INTS1: variants seen among roughly 807,000 people sequenced by gnomAD.
INTS1 encodes integrator complex subunit 1.
A neutral mutation model predicts 241.6 loss-of-function variants in INTS1; 137 were observed. The observed-to-expected ratio is 0.57, with a 90% CI of 0.49 to 0.65. The LOEUF is 0.65. INTS1 is among the 30% of genes least tolerant of loss of function. The pLI is 0.00. For missense variants in INTS1, 3,073 were observed against 3,032.2 expected (o/e 1.01, Z -0.32); for synonymous variants, 1,692 against 1,337.8 (o/e 1.26, Z -5.78).
At chr7:1,499,726 C>A in intron 5 of INTS1, 94 bp from the exon 6 acceptor site, 1 of 1,480,966 alleles carries the variant, frequency 6.8e-7, no homozygotes, top group Non-Finnish European at 9.1e-7. Context: ...GGTGCCCAGG[C>A]GGCCCTCTCC....
At chr7:1,486,082 C>G (rs1782251603) in intron 22 of INTS1, among the ~76,000 whole-genome samples, 1 of 151,826 alleles carries the variant, frequency 6.6e-6, no homozygotes, top group African/African-American at 2.4e-5. Flanking sequence ...AACACAGGCA[C>G]ACACTACCAC....
intron 12 of INTS1, 74 bp from the exon 13 acceptor site, chr7:1,495,627 A>C (rs967638240): frequency 6.5e-7 from 1 of 1,532,598 alleles, no homozygotes; most frequent in Non-Finnish European, 8.8e-7. Context: ...CTGGGGGTCC[A>C]ACTCAATGCT....
rs1562487515 is a variant in INTS1 at position 1,476,086 on chromosome 7, G to A, written c.5379-15C>T. ...TGCCCAGCACGCTGGAAGAGGTGGAGCAGGGCTCACCAGGCGGACGGGGCC... is the reference window on the plus strand; with the variant it reads ...TGCCCAGCACGCTGGAAGAGGTGGAACAGGGCTCACCAGGCGGACGGGGCC... On this transcript the variant is annotated splice_polypyrimidine_tract_variant and intron_variant, in intron 38 of 47. Transcript: ENST00000404767. The A allele has an allele frequency of 6.5e-7, 1 of 1,536,344 alleles. No individual in the cohort carries two copies. The highest frequency in any genetic ancestry group is 8.8e-7 in the Non-Finnish European group (1 of 1,142,230).
chr7:1,485,121 C>T lies in INTS1; in HGVS notation c.3238G>A (p.Ala1080Thr). The change falls in exon 24 of 48, where the codon GCC (alanine) becomes ACC (threonine). Residue 1080 changes from alanine to threonine, a missense_variant. Physicochemically the swap from Ala to Thr is moderately conservative, Grantham distance 58. Coordinates refer to ENST00000404767, the MANE Select transcript of INTS1 (RefSeq NM_001080453.3). ...ACCAGGGCCAGGTCGCTGTGCTGGG[C>T]CTGCTCCTCCACAGGCGTGTGCTGG... ...LSQHTPVEEQ[A>T]QHSDLALDVA... 13 of 1,600,732 alleles carry T rather than the reference C, an allele frequency of 8.1e-6. No homozygotes were observed. Among genetic ancestry groups the T allele is most frequent in the Non-Finnish European group, 1.1e-5 (13 of 1,179,358 alleles).
rs377062473 is a variant in INTS1, at chr7:1,470,887, G to A, written c.6416C>T (p.Thr2139Met). The A allele has an allele frequency of 1.0e-4, 160 of 1,594,204 alleles. No homozygotes were observed. Among genetic ancestry groups the A allele is most frequent in the South Asian group, 2.8e-4 (25 of 88,112 alleles). Residue 2139 changes from threonine to methionine, a missense_variant, in exon 47 of 48, where the codon ACG (threonine) becomes ATG (methionine). By Grantham distance (81) the Thr-to-Met change is moderately conservative. Transcript: ENST00000404767. ...GTACTCAGGCAGGTTCCGGAGGGCC[G>A]TCTGCACCACCTCAAAGTCCTGGCT... ...LGSQDFEVVQ[T>M]ALRNLPEYAL...
intron 29 of INTS1, 28 bp from the exon 30 acceptor site, chr7:1,480,469 C>T (rs1053774284): frequency 1.0e-5 from 16 of 1,606,106 alleles, no homozygotes; most frequent in African/African-American, 1.3e-5. Flanking sequence ...CTGTCAGTGG[C>T]TGGACACTTT....
chr7:1,489,273 C>A, intron 18 of INTS1, 71 bp downstream of exon 18: 3 of 79,750 alleles, frequency 3.8e-5, no homozygotes, highest in East Asian at 4.8e-4. Context: ...CAGCAGGGAA[C>A]ACAGCCCCAG....
intron 42 of INTS1, 31 bp downstream of exon 42, chr7:1,473,535 C>G (rs372827479): frequency 5.8e-6 from 9 of 1,563,728 alleles, no homozygotes; most frequent in Non-Finnish European, 7.8e-6. Context: ...GCCGGAGGCC[C>G]GAGGCTTCCC....
In INTS1 at chr7:1,486,973, C is replaced by T. The variant is rs777044233; in HGVS notation, c.2775G>A (p.Gly925=). 1 of 1,608,310 alleles carries T rather than the reference C, an allele frequency of 6.2e-7. No homozygotes were observed. Among genetic ancestry groups the T allele is most frequent in the Middle Eastern group, 1.6e-4 (1 of 6,062 alleles). The change falls in exon 21 of 48, where the codon GGG becomes GGA. Residue 925 remains glycine, a synonymous_variant. Coordinates refer to ENST00000404767, the MANE Select transcript of INTS1 (RefSeq NM_001080453.3). ...TGCTCTCGCCCTCGTCGTCCTCCTC[C>T]CCGGAAGCAGCATCGTCCACAGCAT... ...LHDAVDDAAS[G]EEDDEGESKE...
rs1783078612 is a variant in INTS1 at position 1,499,976 on chromosome 7, C to T, written c.592G>A (p.Ala198Thr). The T allele has an allele frequency of 6.2e-7, 1 of 1,613,636 alleles. No homozygotes were observed. The highest frequency in any genetic ancestry group is 1.3e-5 in the African/African-American group (1 of 75,064). ...LRRDASINFK[A>T]KGNSLVSVLA... is the part of the protein sequence containing the mutation. ...ACAGACACCAGGCTGTTCCCCTTGG[C>T]CTTGAAGTTGATGGAGGCGTCCCGC... Residue 198 changes from alanine (A) to threonine (T), a missense_variant, in exon 5 of 48, where the codon GCC (alanine) becomes ACC (threonine). Transcript: ENST00000404767.
intron 14 of INTS1, among the ~76,000 whole-genome samples, chr7:1,494,202 C>T (rs1266346929): frequency 6.6e-6 from 1 of 152,216 alleles, no homozygotes; most frequent in Admixed American, 6.5e-5. Context: ...GACTCTGCCA[C>T]CCCACAGAGG....
Position 1,478,753 on chromosome 7 carries a change from C to A in INTS1, c.4462G>T (p.Ala1488Ser), listed in dbSNP as rs368727257. ...RAQLRMLASQ[A>S]SAGRRLSDVR... ...TCACTGAGCCTGCGCCCGGCTGAGG[C>A]CTGGCTGGCAAGCATCCTGAGCTGT... Residue 1488 changes from alanine (A) to serine (S), a missense_variant, in exon 32 of 48, where the codon GCC becomes TCC. Physicochemically the swap from Ala to Ser is moderately conservative, Grantham distance 99. Transcript: ENST00000404767. 49 of 1,592,860 alleles carry A rather than the reference C, an allele frequency of 3.1e-5. No individual in the cohort carries two copies. The African/African-American group carries it at 5.9e-4, about 19-fold the overall frequency.
At position 1,478,253 on chromosome 7, in the gene INTS1, G is replaced by A. The variant is rs112477869; in HGVS notation, c.4630+113C>T. ...GAGGGGACCTCTGTGGGCACTTTCC[G>A]GGGACAGTGCTGAGCAGACACTGTC... On this transcript the variant is annotated intron_variant, in intron 33 of 47. Coordinates refer to ENST00000404767, the MANE Select transcript of INTS1 (RefSeq NM_001080453.3). The A allele has an allele frequency of 3.9e-3, 4,793 of 1,229,022 alleles. 11 individuals are homozygous for A. The highest frequency in any genetic ancestry group is 5.1e-3 in the Non-Finnish European group (4,476 of 873,728). The allele number at this position is 1,229,022 out of a possible 1,614,324, so 76.1% of individuals were successfully genotyped here. A position where few individuals can be genotyped will look rare whatever the true frequency, so the allele number is the denominator to read the frequency against.
chr7:1,474,493 G>A (rs893800882), intron 40 of INTS1, 133 bp from the exon 41 acceptor site: 3 of 1,175,866 alleles, frequency 2.6e-6, no homozygotes, highest in Non-Finnish European at 3.5e-6. Context: ...GCCCTAAGGA[G>A]GTGGGGATGA....
Position 1,487,928 on chromosome 7 carries a change from G to A in INTS1, c.2348C>T (p.Thr783Met), listed in dbSNP as rs187048369. Reference sequence around the variant, plus strand: ...CATCTCCGTCCGGGTCTCCTCATCCGTCAGGGTGCACGGTGGGTAGGAGTA... The same window carrying A: ...CATCTCCGTCCGGGTCTCCTCATCCATCAGGGTGCACGGTGGGTAGGAGTA... ...NNYSYPPCTL[T>M]DEETRTEMLN... is the part of the protein sequence containing the mutation. Residue 783 changes from threonine (T) to methionine (M), a missense_variant, in exon 19 of 48, where the codon ACG becomes ATG. By Grantham distance (81) the Thr-to-Met change is moderately conservative. Transcript: ENST00000404767. 1.7e-5 allele frequency: 28 copies of A among 1,613,420 alleles called. No individual in the cohort carries two copies. In the East Asian group the frequency reaches 2.2e-4, roughly 13 times the overall value.
In INTS1 at chr7:1,474,159, A is replaced by G. The variant is rs986099342; in HGVS notation, c.5829+9T>C. 1 of 1,550,414 alleles carries G rather than the reference A, an allele frequency of 6.4e-7. No individual in the cohort carries two copies. The highest frequency in any genetic ancestry group is 2.3e-5 in the East Asian group (1 of 43,412). On this transcript the variant is annotated intron_variant, in intron 41 of 47. Coordinates refer to ENST00000404767, the MANE Select transcript of INTS1 (RefSeq NM_001080453.3). ...AGGGAGCGCGAGGGCGGGCGGCGGG[A>G]GCACACACCAGCAGCAGGCGGATGA...
intron 33 of INTS1, 130 bp from the exon 34 acceptor site, chr7:1,478,066 C>G: frequency 1.2e-6 from 1 of 801,506 alleles, no homozygotes; most frequent in Non-Finnish European, 2.0e-6. Flanking sequence ...CCAGCCGGAG[C>G]CAGAGAGGAG....
At chr7:1,485,546 C>A (rs1373418372) in intron 22 of INTS1, 77 bp from the exon 23 acceptor site, 37 of 1,459,026 alleles carry the variant, frequency 2.5e-5, no homozygotes, top group Non-Finnish European at 3.4e-5. Flanking sequence ...GGAGCACACG[C>A]ATGGTGCCCT....
At chr7:1,489,016 T>G (rs1307069626) in intron 18 of INTS1, among the ~76,000 whole-genome samples, 1 of 152,002 alleles carries the variant, frequency 6.6e-6, no homozygotes, top group Non-Finnish European at 1.5e-5. Context: ...TCTTGCCACG[T>G]CCTCCAGCAT....
Sources: gnomAD v4.1 joint callset for allele counts (sites outside exome capture counted in the v4.1 genomes callset) on GRCh38, gnomAD v4.1.1 for gene constraint, MANE v1.5 for transcripts, NCBI Gene and HGNC (gene_info 2026-07-23, HGNC 2026-07-21) for gene names.